The following ARHGAP22 variants were observed in gnomAD, a reference collection of about 807,000 sequenced individuals.
ARHGAP22 encodes rho GTPase-activating protein 22.
ARHGAP22 carries 48 observed loss-of-function variants against 59.1 expected under a neutral mutation model. The ratio of observed to expected loss-of-function variants is 0.81; its 90% CI spans 0.64 to 1.03. ARHGAP22 has a LOEUF of 1.03. ARHGAP22 is among the 50% of genes least tolerant of loss of function. The probability of loss-of-function intolerance (pLI) is 0.00; values close to 1 mark genes in which losing one functional copy is unlikely to be tolerated. For synonymous variants in ARHGAP22, 445 were observed against 416.4 expected, an observed-to-expected ratio of 1.07 and a Z score of -0.84; for missense variants, 1,015 against 958.7, an observed-to-expected ratio of 1.06 and a Z score of -0.78.
intron 1 of ARHGAP22, among the ~76,000 whole-genome samples, chr10:48,611,688 C>A (rs926216177): frequency 2.6e-5 from 4 of 152,052 alleles, no homozygotes; most frequent in African/African-American, 9.7e-5. Context: ...GGTGCCTTCT[C>A]TCATTGCTCA....
rs780762757 is a variant in ARHGAP22, at chr10:48,450,929, G to T, written c.1200C>A (p.Ala400=). 12 of 1,591,110 alleles carry T rather than the reference G, an allele frequency of 7.5e-6. No homozygotes were observed. The African/African-American group carries it at 1.5e-4, about 20-fold the overall frequency. The part of the protein sequence containing the change: ...AHRTSSLDGA[A]VAVLSRTAPT... ...GGGCTGTTCTGGAGAGCACCGCCACGGCCGCCCCGTCCAGGGAAGAGGTCC... is the reference window on the plus strand; with the variant it reads ...GGGCTGTTCTGGAGAGCACCGCCACTGCCGCCCCGTCCAGGGAAGAGGTCC... The change falls in exon 9 of 10, where the codon GCC becomes GCA. Residue 400 remains alanine, a synonymous_variant. Coordinates refer to ENST00000249601, the MANE Select transcript of ARHGAP22 (RefSeq NM_021226.4).
chr10:48,647,317 C>T (rs367949606), intron 1 of ARHGAP22, among the ~76,000 whole-genome samples: 21 of 152,122 alleles, frequency 1.4e-4, no homozygotes, highest in African/African-American at 3.6e-4. Flanking sequence ...TCGCTTGAAC[C>T]GGGAGGCAGA....
chr10:48,630,376 C>T (rs889687601), intron 1 of ARHGAP22, among the ~76,000 whole-genome samples: 3 of 152,190 alleles, frequency 2.0e-5, no homozygotes, highest in African/African-American at 7.2e-5. Flanking sequence ...AGGAATGAGC[C>T]ACCACGCCCA....
intron 4 of ARHGAP22, among the ~76,000 whole-genome samples, chr10:48,466,269 GC>G (rs5784760): frequency 0.86 from 129,363 of 150,714 alleles, 55,854 homozygotes; most frequent in East Asian, 1. Flanking sequence ...AAGTCCCTGC[GC>G]CCCCCCCCAG....
chr10:48,483,007 T>G (rs948663428), intron 3 of ARHGAP22, among the ~76,000 whole-genome samples: 1 of 152,090 alleles, frequency 6.6e-6, no homozygotes, highest in Admixed American at 6.5e-5. Flanking sequence ...TCTTTTCAGC[T>G]CCTACATATA....
At chr10:48,539,503 G>T (rs1359217911) in intron 3 of ARHGAP22, among the ~76,000 whole-genome samples, 2 of 151,304 alleles carry the variant, frequency 1.3e-5, no homozygotes, top group Admixed American at 1.3e-4. Flanking sequence ...GTTTTAGCCG[G>T]GATGGTCTCG....
chr10:48,457,924 G>C (rs1446506837), intron 5 of ARHGAP22, among the ~76,000 whole-genome samples: 13 of 150,888 alleles, frequency 8.6e-5, no homozygotes, highest in Non-Finnish European at 1.5e-4. Flanking sequence ...CCTCTGTTGG[G>C]GGTGGGTAGG....
chr10:48,530,055 G>A (rs906917278), intron 3 of ARHGAP22, among the ~76,000 whole-genome samples: 1 of 151,984 alleles, frequency 6.6e-6, no homozygotes, highest in African/African-American at 2.4e-5. Context: ...TTGCTAACAT[G>A]GTGAAACCGC....
chr10:48,651,445 C>T (rs1417732078), intron 1 of ARHGAP22, among the ~76,000 whole-genome samples: 1 of 151,884 alleles, frequency 6.6e-6, no homozygotes, highest in African/African-American at 2.4e-5. Flanking sequence ...CACAATCCAC[C>T]CAGTCAGCAC....
chr10:48,623,518 G>A (rs760614239), intron 1 of ARHGAP22, among the ~76,000 whole-genome samples: 39 of 152,324 alleles, frequency 2.6e-4, no homozygotes, highest in Admixed American at 4.6e-4. Context: ...TTGAAGGTTG[G>A]ATTGGAAGTG....
chr10:48,451,320 A>G, intron 8 of ARHGAP22, 180 bp from the exon 9 acceptor site: 1 of 860,666 alleles, frequency 1.2e-6, no homozygotes, highest in Non-Finnish European at 1.9e-6. Context: ...AACTCCAGGC[A>G]GGACAGCAGG....
chr10:48,595,737 C>T (rs2060028686), intron 1 of ARHGAP22, among the ~76,000 whole-genome samples: 3 of 152,012 alleles, frequency 2.0e-5, no homozygotes, highest in Admixed American at 2.0e-4. Context: ...CCAGGCTGGT[C>T]TCAACCTCCT....
intron 3 of ARHGAP22, among the ~76,000 whole-genome samples, chr10:48,491,774 C>T (rs1184532515): frequency 6.6e-6 from 1 of 152,264 alleles, no homozygotes; most frequent in Admixed American, 6.5e-5. Flanking sequence ...AGCAGTATCA[C>T]TATTCCCATT....
intron 1 of ARHGAP22, among the ~76,000 whole-genome samples, chr10:48,614,938 A>G (rs918404597): frequency 6.6e-6 from 1 of 152,252 alleles, no homozygotes; most frequent in Non-Finnish European, 1.5e-5. Flanking sequence ...GCTAAAGCAG[A>G]TATCTGTGGA....
chr10:48,591,682 T>C (rs562070779), intron 1 of ARHGAP22, among the ~76,000 whole-genome samples: 22 of 152,132 alleles, frequency 1.4e-4, no homozygotes, highest in Non-Finnish European at 2.6e-4. Context: ...ACGTGCATCC[T>C]GGGCAACATG....
chr10:48,599,093 C>T (rs1037472550), intron 1 of ARHGAP22, among the ~76,000 whole-genome samples: 1 of 152,194 alleles, frequency 6.6e-6, no homozygotes, highest in African/African-American at 2.4e-5. Context: ...CATGTGACTG[C>T]ACATGCTAGG....
intron 3 of ARHGAP22, among the ~76,000 whole-genome samples, chr10:48,539,354 C>G (rs942477119): frequency 4.4e-5 from 6 of 137,294 alleles, no homozygotes; most frequent in Admixed American, 2.2e-4. Flanking sequence ...TGCAGTGGCG[C>G]GATCTCGGCT....
chr10:48,481,714 A>C (rs1308207297), intron 3 of ARHGAP22, among the ~76,000 whole-genome samples: 1 of 152,214 alleles, frequency 6.6e-6, no homozygotes, highest in Non-Finnish European at 1.5e-5. Flanking sequence ...CTGCAAAGTG[A>C]CTACTCCATT....
At chr10:48,586,622 C>A (rs1188404528) in intron 1 of ARHGAP22, among the ~76,000 whole-genome samples, 2 of 152,138 alleles carry the variant, frequency 1.3e-5, no homozygotes, top group African/African-American at 4.8e-5. Context: ...AACAATTATG[C>A]CAATGTGCCA....
Sources: gnomAD v4.1 joint callset for allele counts (sites outside exome capture counted in the v4.1 genomes callset) on GRCh38, gnomAD v4.1.1 for gene constraint, MANE v1.5 for transcripts, NCBI Gene and HGNC (gene_info 2026-07-23, HGNC 2026-07-21) for gene names.